Variants in ABCC3 observed in about 807,000 individuals in gnomAD.
ABCC3 encodes ATP-binding cassette sub-family C member 3.
Under a neutral mutation model 165.3 loss-of-function variants are expected in ABCC3, and 121 were observed. The ratio of observed to expected loss-of-function variants is 0.73; its 90% CI spans 0.63 to 0.85. The LOEUF is 0.85. Ranked by LOEUF, ABCC3 falls within the 40% of genes least tolerant of loss-of-function variation. ABCC3 has a pLI of 0.00. For synonymous variants in ABCC3, 733 were observed against 810.1 expected, an observed-to-expected ratio of 0.90 and a Z score of 1.62; for missense variants, 1,869 against 1,964.1, an observed-to-expected ratio of 0.95 and a Z score of 0.92.
rs767703258 is a variant in ABCC3, at chr17:50,656,802, C to T, written c.323C>T (p.Thr108Ile). 6.2e-7 allele frequency: 1 copy of T among 1,612,748 alleles called. No homozygotes were observed. Among genetic ancestry groups the T allele is most frequent in the South Asian group, 1.1e-5 (1 of 90,846 alleles). The part of the protein sequence containing the change: ...GRAPAPVFFV[T>I]PLVVGVTMLL... ...GCCCCTGCCCCTGTTTTCTTTGTCACCCCCTTGGTGGTGGGGGTCACCATG... is the reference window on the plus strand; with the variant it reads ...GCCCCTGCCCCTGTTTTCTTTGTCATCCCCTTGGTGGTGGGGGTCACCATG... The change falls in exon 3 of 31, where the codon ACC (threonine) becomes ATC (isoleucine). Residue 108 changes from threonine (T) to isoleucine (I), a missense_variant. By Grantham distance (89) the Thr-to-Ile change is moderately conservative. Coordinates refer to ENST00000285238, the MANE Select transcript of ABCC3 (RefSeq NM_003786.4).
intron 1 of ABCC3, chr17:50,635,247 C>A (rs1388541671): frequency 4.8e-6 from 3 of 627,936 alleles, no homozygotes; most frequent in Middle Eastern, 2.6e-4. Context: ...AGGAAGAGTG[C>A]GCGGCTGGGG....
chr17:50,675,607 G>C, intron 20 of ABCC3, 24 bp from the exon 21 acceptor site: 2 of 1,561,498 alleles, frequency 1.3e-6, no homozygotes, highest in Non-Finnish European at 8.7e-7. Flanking sequence ...CCCCCTCCCT[G>C]GGCCTGACCA....
In ABCC3 at chr17:50,684,709, G is replaced by T; in HGVS notation, c.4114G>T (p.Asp1372Tyr). The T allele has an allele frequency of 6.2e-7, 1 of 1,613,706 alleles. No homozygotes were observed. Among genetic ancestry groups the T allele is most frequent in the Non-Finnish European group, 8.5e-7 (1 of 1,179,858 alleles). ...LRSQLTIIPQ[D>Y]PILFSGTLRM... ...CTCTGAGGCCACGTTGTATCCCCAGGACCCCATCCTGTTCTCGGGGACCCT... is the reference window on the plus strand; with the variant it reads ...CTCTGAGGCCACGTTGTATCCCCAGTACCCCATCCTGTTCTCGGGGACCCT... Residue 1372 changes from aspartate to tyrosine, a missense_variant and splice_region_variant, in exon 29 of 31, where the codon GAC (aspartate) becomes TAC (tyrosine). Transcript: ENST00000285238.
At chr17:50,679,509 G>A (rs1171050734) in intron 25 of ABCC3, 3 of 219,498 alleles carry the variant, frequency 1.4e-5, no homozygotes, top group East Asian at 2.0e-4. Flanking sequence ...AGAATCCGGC[G>A]TTGCATTTTA....
chr17:50,667,659 C>A lies in ABCC3; in HGVS notation c.1537C>A (p.Gln513Lys), dbSNP rs373375235. The A allele has an allele frequency of 1.2e-5, 20 of 1,614,070 alleles. No homozygotes were observed. Among genetic ancestry groups the A allele is most frequent in the Non-Finnish European group, 1.7e-5 (20 of 1,180,042 alleles). Residue 513 changes from glutamine (Q) to lysine (K), a missense_variant, in exon 12 of 31, where the codon CAG becomes AAG. Physicochemically the swap from Gln to Lys is moderately conservative, Grantham distance 53. Coordinates refer to ENST00000285238, the MANE Select transcript of ABCC3 (RefSeq NM_003786.4). ...LYAWEPSFLK[Q>K]VEGIRQGELQ... ...CGCCTGGGAGCCCAGCTTCCTGAAG[C>A]AGGTGGAGGGCATCAGGCAGGGTGA... is the stretch of plus-strand genomic sequence containing the variant.
At chr17:50,640,711 C>T (rs1038169691) in intron 1 of ABCC3, among the ~76,000 whole-genome samples, 2 of 152,170 alleles carry the variant, frequency 1.3e-5, no homozygotes, top group African/African-American at 4.8e-5. Flanking sequence ...TTAGTAGAGA[C>T]AGCGTTTCGT....
Position 50,681,590 on chromosome 17 carries a change from C to T in ABCC3, c.3807+1691C>T, listed in dbSNP as rs117091552. On this transcript the variant is annotated intron_variant, in intron 26 of 30. Coordinates refer to ENST00000285238, the MANE Select transcript of ABCC3 (RefSeq NM_003786.4). ...CACTCCACTGCCCCATTTCTCTGCT[C>T]TCCTCTGTCATGAAGCATGGTTTAA... 4.9e-3 allele frequency among the ~76,000 whole-genome samples: 739 copies of T among 152,240 alleles called. 5 individuals are homozygous for T. Among genetic ancestry groups the T allele is most frequent in the Non-Finnish European group, 5.2e-3 (351 of 68,024 alleles).
intron 29 of ABCC3, among the ~76,000 whole-genome samples, chr17:50,685,666 C>T (rs1181187308): frequency 6.6e-6 from 1 of 152,210 alleles, no homozygotes; most frequent in Non-Finnish European, 1.5e-5. Context: ...CAGAATGTCT[C>T]AATTTGGACT....
intron 1 of ABCC3, chr17:50,643,612 C>T (rs1163447834): frequency 2.2e-6 from 1 of 456,342 alleles, no homozygotes; most frequent in Non-Finnish European, 4.4e-6. Context: ...AAGAGTGACG[C>T]TCCAGGGAAG....
intron 17 of ABCC3, among the ~76,000 whole-genome samples, chr17:50,670,816 G>A (rs1443887130): frequency 1.3e-5 from 2 of 152,140 alleles, no homozygotes; most frequent in Non-Finnish European, 2.9e-5. Flanking sequence ...ATGACTAGGA[G>A]TTGGGAAATG....
At chr17:50,661,574 G>C (rs1483546029) in intron 8 of ABCC3, among the ~76,000 whole-genome samples, 2 of 152,162 alleles carry the variant, frequency 1.3e-5, no homozygotes, top group African/African-American at 4.8e-5. Context: ...GGACTAGAAC[G>C]AGCTCTCAAA....
intron 7 of ABCC3, 119 bp from the exon 8 acceptor site, chr17:50,660,804 T>C: frequency 1.3e-6 from 1 of 781,700 alleles, no homozygotes; most frequent in Non-Finnish European, 2.0e-6. Flanking sequence ...CTCCCAGCTC[T>C]GAGAGCCAAG....
chr17:50,677,693 T>C, intron 23 of ABCC3, 51 bp from the exon 24 acceptor site: 2 of 1,556,374 alleles, frequency 1.3e-6, no homozygotes, highest in South Asian at 1.1e-5. Context: ...CAGGCAGGAC[T>C]GAGTTGGGGG....
intron 4 of ABCC3, among the ~76,000 whole-genome samples, chr17:50,657,753 C>A (rs371414097): frequency 6.6e-6 from 1 of 152,312 alleles, no homozygotes; most frequent in Admixed American, 6.5e-5. Context: ...TCGGGCGGGT[C>A]GCTGAAACCT....
intron 1 of ABCC3, among the ~76,000 whole-genome samples, chr17:50,644,401 T>C (rs1040542483): frequency 2.0e-5 from 3 of 148,650 alleles, no homozygotes; most frequent in Non-Finnish European, 3.0e-5. Context: ...TCCCCTTCCA[T>C]GAGTTGTTTT....
intron 4 of ABCC3, 90 bp from the exon 5 acceptor site, chr17:50,657,992 G>GC: frequency 6.3e-7 from 1 of 1,584,748 alleles, no homozygotes; most frequent in Non-Finnish European, 8.6e-7. Flanking sequence ...TGCCCCAGAG[G>GC]AGACTGATGC....
intron 28 of ABCC3, 50 bp downstream of exon 28, chr17:50,684,157 G>A: frequency 1.3e-6 from 2 of 1,593,658 alleles, no homozygotes; most frequent in South Asian, 1.1e-5. Flanking sequence ...CCTGGAGGCA[G>A]GCCCCACCTT....
rs1438835142 is a variant in ABCC3, at chr17:50,668,944, C to T, written c.1937+25C>T. 4.3e-6 allele frequency: 7 copies of T among 1,612,902 alleles called. No individual in the cohort carries two copies. In the African/African-American group the frequency reaches 8.0e-5, roughly 18 times the overall value. On this transcript the variant is annotated intron_variant, in intron 15 of 30. Coordinates refer to ENST00000285238, the MANE Select transcript of ABCC3 (RefSeq NM_003786.4). ...GGTACCAGCTTCTCCCACTCCCTTC[C>T]CAGCTGCCCACGGTGGGCTGGAAGT...
chr17:50,653,197 T>C (rs1370994110), intron 1 of ABCC3, among the ~76,000 whole-genome samples: 6 of 148,536 alleles, frequency 4.0e-5, no homozygotes, highest in African/African-American at 5.0e-5. Context: ...AATACAAAAA[T>C]TAGTCAGGCA....
Sources: gnomAD v4.1 joint callset for allele counts (sites outside exome capture counted in the v4.1 genomes callset) on GRCh38, gnomAD v4.1.1 for gene constraint, MANE v1.5 for transcripts, NCBI Gene and HGNC (gene_info 2026-07-23, HGNC 2026-07-21) for gene names.